Variants in PTPRD observed in about 807,000 individuals in gnomAD.
The protein encoded by PTPRD is receptor-type tyrosine-protein phosphatase delta.
A neutral mutation model predicts 214.5 loss-of-function variants in PTPRD; 34 were observed. That is an observed-to-expected ratio of 0.16 (90% CI 0.12 to 0.21). The LOEUF (loss-of-function observed/expected upper bound fraction) is 0.21, where lower values mean the gene tolerates loss of function less well. Ranked by LOEUF, PTPRD falls within the 10% of genes least tolerant of loss-of-function variation. PTPRD has a pLI of 1.00. For missense variants in PTPRD, 2,545 were observed against 2,398.7 expected (o/e 1.06, Z -1.27); for synonymous variants, 1,128 against 845.7 (o/e 1.33, Z -5.79).
chr9:10,113,068 C>G (rs1454411110), intron 3 of PTPRD, among the ~76,000 whole-genome samples: 1 of 152,190 alleles, frequency 6.6e-6, no homozygotes, highest in Non-Finnish European at 1.5e-5. Flanking sequence ...GTGTCACACT[C>G]AAAGTTCCTT....
chr9:9,663,642 C>G (rs916081069), intron 7 of PTPRD, among the ~76,000 whole-genome samples: 2 of 151,626 alleles, frequency 1.3e-5, no homozygotes, highest in South Asian at 4.1e-4. Flanking sequence ...ACAACTCTCT[C>G]TCCTTCCGCT....
chr9:9,346,769 T>G (rs1341951571), intron 9 of PTPRD, among the ~76,000 whole-genome samples: 1 of 152,098 alleles, frequency 6.6e-6, no homozygotes, highest in East Asian at 1.9e-4. Flanking sequence ...CTCAGCTCAC[T>G]GCAACCTCCA....
intron 5 of PTPRD, among the ~76,000 whole-genome samples, chr9:9,928,582 G>C (rs767767905): frequency 6.6e-6 from 1 of 152,046 alleles, no homozygotes; most frequent in Non-Finnish European, 1.5e-5. Flanking sequence ...ATGCCATAAA[G>C]TGGAAAAAAT....
intron 3 of PTPRD, among the ~76,000 whole-genome samples, chr9:10,189,181 C>T (rs961680889): frequency 3.9e-5 from 6 of 152,108 alleles, no homozygotes; most frequent in African/African-American, 1.4e-4. Flanking sequence ...TTTAGTGCTT[C>T]TTTCTTTGGA....
At chr9:9,452,064 A>C (rs2092303027) in intron 8 of PTPRD, among the ~76,000 whole-genome samples, 1 of 151,542 alleles carries the variant, frequency 6.6e-6, no homozygotes, top group Non-Finnish European at 1.5e-5. Flanking sequence ...AAAGCCCAAA[A>C]TGTCTCTAGC....
chr9:8,542,442 A>T (rs1353395565), intron 14 of PTPRD, among the ~76,000 whole-genome samples: 2 of 152,206 alleles, frequency 1.3e-5, no homozygotes, highest in Non-Finnish European at 2.9e-5. Context: ...GAATAATTTG[A>T]ATGTCAATTT....
chr9:9,339,010 T>C (rs1325404469), intron 9 of PTPRD, among the ~76,000 whole-genome samples: 5 of 152,146 alleles, frequency 3.3e-5, no homozygotes, highest in Non-Finnish European at 7.3e-5. Flanking sequence ...TGCTGAAGAA[T>C]CTAACGACAA....
At chr9:9,529,588 A>G (rs1366641602) in intron 8 of PTPRD, among the ~76,000 whole-genome samples, 1 of 152,158 alleles carries the variant, frequency 6.6e-6, no homozygotes, top group Admixed American at 6.5e-5. Flanking sequence ...ACAGTAAGAT[A>G]GGACTACATA....
intron 9 of PTPRD, among the ~76,000 whole-genome samples, chr9:9,205,757 T>TA (rs1412611118): frequency 7.9e-5 from 12 of 152,192 alleles, no homozygotes; most frequent in African/African-American, 2.9e-4. Flanking sequence ...CACCCATTTA[T>TA]AAAAAATATG....
intron 26 of PTPRD, among the ~76,000 whole-genome samples, chr9:8,494,003 C>CACAG (rs149313423): frequency 7.9e-6 from 1 of 126,638 alleles, no homozygotes; most frequent in Admixed American, 7.5e-5. Flanking sequence ...CACACAGACA[C>CACAG]ACAGACACAC....
intron 39 of PTPRD, among the ~76,000 whole-genome samples, chr9:8,352,921 G>A (rs1424976728): frequency 2.6e-5 from 4 of 151,998 alleles, no homozygotes; most frequent in Admixed American, 6.5e-5. Flanking sequence ...GACCATCCTG[G>A]CCAACATGGT....
At chr9:8,445,421 A>T (rs2095685840) in intron 34 of PTPRD, among the ~76,000 whole-genome samples, 1 of 152,220 alleles carries the variant, frequency 6.6e-6, no homozygotes, top group African/African-American at 2.4e-5. Flanking sequence ...TCAATTGTGA[A>T]AGCATGGGCT....
At chr9:9,790,510 C>A (rs2098959830) in intron 5 of PTPRD, among the ~76,000 whole-genome samples, 2 of 152,144 alleles carry the variant, frequency 1.3e-5, no homozygotes, top group African/African-American at 4.8e-5. Context: ...GGCTTTATCT[C>A]AAATGTTTTG....
In PTPRD at chr9:9,189,670, GT is replaced by G. The variant is rs1435400001; in HGVS notation, c.-202-6308del. ...ACAGGAACTGCTTTTATTTTTTTCT[GT>G]TTTTGTCCTCAGCATTTTGCATAAG... On this transcript the variant is annotated intron_variant, in intron 9 of 45. Coordinates refer to ENST00000381196, the MANE Select transcript of PTPRD (RefSeq NM_002839.4). Among the ~76,000 whole-genome samples the G allele has an allele frequency of 4.6e-5, 7 of 151,976 alleles. No homozygotes were observed. In the East Asian group the frequency reaches 1.4e-3, roughly 30 times the overall value.
In PTPRD at chr9:8,317,134, C is replaced by G. The variant is rs367665926; in HGVS notation, c.*740G>C. ...ATTAATATATCTGACGAGACTGATA[C>G]TGTAGATTGAGTTTTGCACAAAAAT... On this transcript the variant is annotated 3_prime_UTR_variant, in exon 46 of 46. Transcript: ENST00000381196. 1 of 231,682 alleles carries G rather than the reference C, an allele frequency of 4.3e-6. No individual in the cohort carries two copies. The highest frequency in any genetic ancestry group is 8.6e-6 in the Non-Finnish European group (1 of 116,956). 14.4% of individuals were successfully genotyped at this position (231,682 alleles called of 1,614,324 possible).
At position 8,317,827 on chromosome 9, in the gene PTPRD, G is replaced by T. The variant is rs990927572; in HGVS notation, c.*47C>A. 1 of 1,558,686 alleles carries T rather than the reference G, an allele frequency of 6.4e-7. No individual in the cohort carries two copies. The highest frequency in any genetic ancestry group is 8.8e-7 in the Non-Finnish European group (1 of 1,130,528). On this transcript the variant is annotated 3_prime_UTR_variant, in exon 46 of 46. Transcript: ENST00000381196. The stretch of plus-strand genomic sequence containing the variant: ...CTGTATGGCTCAGAAGAGACTCCAT[G>T]GATATTGAAGGGCCTGTAGTAAAAA...
intron 26 of PTPRD, among the ~76,000 whole-genome samples, chr9:8,493,732 A>G (rs1338493563): frequency 6.6e-6 from 1 of 152,232 alleles, no homozygotes; most frequent in African/African-American, 2.4e-5. Flanking sequence ...CATCACTAGT[A>G]TGTGCTCAAT....
In PTPRD at chr9:9,878,311, G is replaced by C. The variant is rs1041517059; in HGVS notation, c.-368+60196C>G. Among the ~76,000 whole-genome samples, 3 of 152,274 alleles carry C rather than the reference G, an allele frequency of 2.0e-5. No homozygotes were observed. The East Asian group carries it at 5.8e-4, about 29-fold the overall frequency. Reference sequence around the variant, plus strand: ...ATATTATATGCTATGCTATTTGAGAGAGTTCCAAGAGCTTACATTGTAGTG... The same window carrying C: ...ATATTATATGCTATGCTATTTGAGACAGTTCCAAGAGCTTACATTGTAGTG... On this transcript the variant is annotated intron_variant, in intron 5 of 45. Coordinates refer to ENST00000381196, the MANE Select transcript of PTPRD (RefSeq NM_002839.4).
intron 5 of PTPRD, among the ~76,000 whole-genome samples, chr9:9,775,954 C>CAAAAA (rs59412193): frequency 0.21 from 6,014 of 28,844 alleles, 1,234 homozygotes; most frequent in Non-Finnish European, 0.28. Flanking sequence ...GACTCTGTCT[C>CAAAAA]AAAAAAAAAA....
Sources: allele counts gnomAD v4.1 joint callset (sites outside exome capture counted in the v4.1 genomes callset), GRCh38; gene constraint gnomAD v4.1.1; transcripts MANE v1.5; gene names NCBI Gene and HGNC (gene_info 2026-07-23, HGNC 2026-07-21).